LUZP2: variants seen among roughly 807,000 people sequenced by gnomAD.
LUZP2 encodes the protein leucine zipper protein 2.
In LUZP2, 52 loss-of-function variants were observed where a neutral mutation model predicts 51.6. That is an observed-to-expected ratio of 1.01 (90% CI 0.81 to 1.27). LUZP2 has a LOEUF of 1.27. Ranked by LOEUF, LUZP2 falls within the 50% of genes most tolerant of loss-of-function variation. The pLI, the probability that LUZP2 is intolerant of heterozygous loss-of-function variation, is 0.00. For missense variants in LUZP2, 436 were observed against 395.4 expected, an observed-to-expected ratio of 1.10 and a Z score of -0.87; for synonymous variants, 154 against 137.3, an observed-to-expected ratio of 1.12 and a Z score of -0.85.
At chr11:24,720,791 C>A (rs1280924620) in intron 1 of LUZP2, among the ~76,000 whole-genome samples, 1 of 152,134 alleles carries the variant, frequency 6.6e-6, no homozygotes, top group Non-Finnish European at 1.5e-5. Flanking sequence ...CTCTGCCTCC[C>A]GGGTTCACGC....
rs878930484 is a variant in LUZP2 at position 24,732,006 on chromosome 11, A to G, written c.181-112A>G. 4.2e-6 allele frequency: 3 copies of G among 715,292 alleles called. No individual in the cohort carries two copies. The East Asian group carries it at 8.4e-5, about 20-fold the overall frequency. 44.3% of individuals were successfully genotyped at this position (715,292 alleles called of 1,614,324 possible). On this transcript the variant is annotated intron_variant, in intron 2 of 11. Transcript: ENST00000336930. ...GAGGACCATCATAGACTCATTTTTAATTCTTGTTCCAGGGCATATGTGCAG... is the reference window on the plus strand; with the variant it reads ...GAGGACCATCATAGACTCATTTTTAGTTCTTGTTCCAGGGCATATGTGCAG...
intron 9 of LUZP2, among the ~76,000 whole-genome samples, chr11:24,985,638 T>C (rs1856167842): frequency 6.6e-6 from 1 of 151,650 alleles, no homozygotes; most frequent in Non-Finnish European, 1.5e-5. Context: ...ATGGGAAGCA[T>C]GAAGGCAGGA....
intron 5 of LUZP2, chr11:24,786,471 G>A: frequency 1.0e-6 from 1 of 980,986 alleles, no homozygotes; most frequent in Non-Finnish European, 1.2e-6. Context: ...ATTAACGACT[G>A]CCTATTTGTA....
chr11:24,756,562 C>T (rs1226016159), intron 4 of LUZP2, among the ~76,000 whole-genome samples: 7 of 152,216 alleles, frequency 4.6e-5, no homozygotes, highest in Non-Finnish European at 7.4e-5. Context: ...TTTCTCTTTC[C>T]GAGCTGTGTT....
chr11:24,508,753 C>G (rs1343930902), intron 1 of LUZP2, among the ~76,000 whole-genome samples: 1 of 152,056 alleles, frequency 6.6e-6, no homozygotes, highest in Non-Finnish European at 1.5e-5. Context: ...TGTGTAAGAA[C>G]AGTACTACAA....
chr11:24,957,093 C>A (rs1855232196), intron 7 of LUZP2, among the ~76,000 whole-genome samples: 1 of 152,040 alleles, frequency 6.6e-6, no homozygotes, highest in African/African-American at 2.4e-5. Flanking sequence ...ATACTAAGGG[C>A]CTGTCTTGTT....
In LUZP2 at chr11:25,076,646, G is replaced by A. The variant is rs115547892; in HGVS notation, c.859-683G>A. ...AGGAAGGGAGGAAGGGAAAAAGAGG[G>A]AAGGAAGGGAGGGAGGGAAGGAGGG... On this transcript the variant is annotated intron_variant, in intron 10 of 11. Coordinates refer to ENST00000336930, the MANE Select transcript of LUZP2 (RefSeq NM_001009909.4). Among the ~76,000 whole-genome samples the A allele has an allele frequency of 5.1e-3, 712 of 139,910 alleles. 8 individuals carry two copies. Among genetic ancestry groups the A allele is most frequent in the African/African-American group, 0.018 (676 of 38,494 alleles). The allele number at this position is 139,910 out of a possible 152,430, so 91.8% of individuals were successfully genotyped here.
intron 1 of LUZP2, among the ~76,000 whole-genome samples, chr11:24,582,617 A>T (rs1238862729): frequency 6.6e-6 from 1 of 152,116 alleles, no homozygotes; most frequent in Non-Finnish European, 1.5e-5. Context: ...CCCTGCCCTC[A>T]TCTAAAACCT....
intron 1 of LUZP2, among the ~76,000 whole-genome samples, chr11:24,518,297 C>T (rs16912665): frequency 0.095 from 14,376 of 152,096 alleles, 988 homozygotes; most frequent in African/African-American, 0.2. Flanking sequence ...AAGCTCAGAG[C>T]TGCATGAATC....
intron 9 of LUZP2, among the ~76,000 whole-genome samples, chr11:25,037,153 A>G (rs1284615392): frequency 2.0e-5 from 3 of 152,118 alleles, no homozygotes; most frequent in African/African-American, 7.2e-5. Context: ...GGGTGTGCAT[A>G]TATTTAGGAT....
chr11:24,531,664 G>A (rs1045151378), intron 1 of LUZP2, among the ~76,000 whole-genome samples: 2 of 150,796 alleles, frequency 1.3e-5, no homozygotes, highest in African/African-American at 4.8e-5. Flanking sequence ...TTTCACATAT[G>A]AGTGAGAACA....
chr11:24,565,507 AG>A (rs1446397495), intron 1 of LUZP2, among the ~76,000 whole-genome samples: 1 of 152,174 alleles, frequency 6.6e-6, no homozygotes, highest in Admixed American at 6.6e-5. Flanking sequence ...ATACCAAAAA[AG>A]CATCTGTTAT....
intron 5 of LUZP2, among the ~76,000 whole-genome samples, chr11:24,772,158 A>T (rs1860444538): frequency 6.6e-6 from 1 of 152,224 alleles, no homozygotes; most frequent in Admixed American, 6.5e-5. Flanking sequence ...GAGGGCCTAG[A>T]TTCTCAGAAG....
chr11:24,707,051 A>T (rs78306430), intron 1 of LUZP2, among the ~76,000 whole-genome samples: 1 of 151,956 alleles, frequency 6.6e-6, no homozygotes, highest in Non-Finnish European at 1.5e-5. Context: ...AAGAGAGAAG[A>T]AAAAAGTATA....
intron 1 of LUZP2, among the ~76,000 whole-genome samples, chr11:24,525,716 A>C (rs143210092): frequency 0.019 from 2,856 of 151,508 alleles, 77 homozygotes; most frequent in African/African-American, 0.065. Flanking sequence ...CTCTCTATAT[A>C]TATATATACA....
intron 1 of LUZP2, among the ~76,000 whole-genome samples, chr11:24,618,176 A>G (rs769229285): frequency 5.3e-5 from 8 of 152,134 alleles, no homozygotes; most frequent in Non-Finnish European, 1.0e-4. Flanking sequence ...CTGGGCAGTG[A>G]TGAAAGTCCC....
intron 5 of LUZP2, among the ~76,000 whole-genome samples, chr11:24,870,490 G>GACACACACACACACACAC (rs202205920): frequency 2.1e-5 from 3 of 145,634 alleles, no homozygotes; most frequent in Non-Finnish European, 3.0e-5. Flanking sequence ...CACACACACA[G>GACACACACACACACACAC]ACACACACAC....
chr11:24,545,555 C>CTTTTTTTTTTT lies in LUZP2; in HGVS notation c.62+48257_62+48267dup, dbSNP rs3992984. 1.7e-5 allele frequency among the ~76,000 whole-genome samples: 2 copies of CTTTTTTTTTTT among 120,798 alleles called. 1 individual carries two copies. The highest frequency in any genetic ancestry group is 3.3e-5 in the Non-Finnish European group (2 of 60,482). The allele number at this position is 120,798 out of a possible 152,430, so 79.2% of individuals were successfully genotyped here. ...TGGGGAGTCCTTTCATTGTTGCTTGCTTTTTTTTTTTTTTTTTGACAGCTT... is the reference window on the plus strand; with the variant it reads ...TGGGGAGTCCTTTCATTGTTGCTTGCTTTTTTTTTTTTTTTTTTTTTTTTTTTTGACAGCTT... On this transcript the variant is annotated intron_variant, in intron 1 of 11. Transcript: ENST00000336930.
chr11:25,008,118 T>G (rs562932967), intron 9 of LUZP2, among the ~76,000 whole-genome samples: 1 of 152,332 alleles, frequency 6.6e-6, no homozygotes, highest in Admixed American at 6.5e-5. Context: ...TTGGCTCAGT[T>G]CTGGGTTGAC....
Sources: allele counts gnomAD v4.1 joint callset (sites outside exome capture counted in the v4.1 genomes callset), GRCh38; gene constraint gnomAD v4.1.1; transcripts MANE v1.5; gene names NCBI Gene and HGNC (gene_info 2026-07-23, HGNC 2026-07-21).